The following SPTBN5 variants were observed in gnomAD, a reference collection of about 807,000 sequenced individuals.
SPTBN5 encodes spectrin beta chain, non-erythrocytic 5.
Under a neutral mutation model 477.6 loss-of-function variants are expected in SPTBN5, and 513 were observed. The observed-to-expected ratio is 1.07, with a 90% confidence interval of 1.00 to 1.16. SPTBN5 has a LOEUF of 1.16. Among genes scored for constraint, SPTBN5 ranks in the 50% most tolerant of loss-of-function variants. The pLI is 0.00. For synonymous variants in SPTBN5, 2,169 were observed against 2,011.7 expected, an observed-to-expected ratio of 1.08 and a Z score of -2.09; for missense variants, 5,062 against 4,731.8, an observed-to-expected ratio of 1.07 and a Z score of -2.05.
chr15:41,877,392 C>T, intron 17 of SPTBN5, 36 bp from the exon 18 acceptor site: 3 of 1,588,020 alleles, frequency 1.9e-6, no homozygotes, highest in Non-Finnish European at 2.6e-6. Flanking sequence ...CAAACCCCAG[C>T]AGGCTCCCTC....
intron 44 of SPTBN5, 61 bp from the exon 45 acceptor site, chr15:41,861,984 G>T: frequency 6.4e-7 from 1 of 1,553,798 alleles, no homozygotes; most frequent in Non-Finnish European, 8.6e-7. Flanking sequence ...GCAGGAGAGA[G>T]GTGGGGAAGC....
chr15:41,850,745 A>T, intron 66 of SPTBN5, 109 bp downstream of exon 66: 1 of 917,454 alleles, frequency 1.1e-6, no homozygotes, highest in Non-Finnish European at 1.6e-6. Flanking sequence ...CTTGGAGGTT[A>T]GAGATGCTAA....
intron 66 of SPTBN5, chr15:41,850,222 T>G: frequency 2.1e-6 from 1 of 481,220 alleles, no homozygotes; most frequent in East Asian, 3.7e-5. Flanking sequence ...AATTCTGGAA[T>G]GTCGAACAAC....
chr15:41,853,463 G>A lies in SPTBN5; in HGVS notation c.9981-16C>T, dbSNP rs2065839430. ...TGCCCATGCTCTGTGGGGCAGGGAA[G>A]GGAGCTGTTGTCAGGGCTGGCTGGG... On this transcript the variant is annotated splice_polypyrimidine_tract_variant and intron_variant, in intron 58 of 67. Transcript: ENST00000320955. 1.3e-6 allele frequency: 2 copies of A among 1,556,784 alleles called. No homozygotes were observed. The highest frequency in any genetic ancestry group is 1.7e-6 in the Non-Finnish European group (2 of 1,143,640).
rs1053655455 is a variant in SPTBN5 at position 41,850,474 on chromosome 15, G to A, written c.10921+380C>T. On this transcript the variant is annotated intron_variant, in intron 66 of 67. Transcript: ENST00000320955. ...GGTGGTGACATTCAAAGTTGTCTGAGGACTAGAAGGTTAGAGAAGCACCCA... is the reference window on the plus strand; with the variant it reads ...GGTGGTGACATTCAAAGTTGTCTGAAGACTAGAAGGTTAGAGAAGCACCCA... 1.3e-4 allele frequency: 33 copies of A among 249,552 alleles called. 1 individual carries two copies. The highest frequency in any genetic ancestry group is 6.6e-4 in the African/African-American group (30 of 45,388). 15.5% of individuals were successfully genotyped at this position (249,552 alleles called of 1,614,324 possible). A position where few individuals can be genotyped will look rare whatever the true frequency, so the allele number is the denominator to read the frequency against.
chr15:41,876,182 G>A lies in SPTBN5; in HGVS notation c.4054C>T (p.Leu1352Phe), dbSNP rs2066719823. ...CTCTCAGCTGCTTCGTGCCGCTTGA[G>A]TGTCTGCAGGATGTTTCTGCGCGCT... The part of the protein sequence containing the change: ...SGARRNILQT[L>F]KRHEAAESEL... Residue 1352 changes from leucine (L) to phenylalanine (F), a missense_variant, in exon 21 of 68, where the codon CTC becomes TTC. Physicochemically the swap from Leu to Phe is conservative, Grantham distance 22. Coordinates refer to ENST00000320955, the MANE Select transcript of SPTBN5 (RefSeq NM_016642.4). 6.2e-7 allele frequency: 1 copy of A among 1,606,276 alleles called. No individual in the cohort carries two copies. The highest frequency in any genetic ancestry group is 1.3e-5 in the African/African-American group (1 of 75,056).
At chr15:41,855,450 C>G (rs750757017) in intron 54 of SPTBN5, 22 bp from the exon 55 acceptor site, 2 of 1,596,402 alleles carry the variant, frequency 1.3e-6, no homozygotes, top group South Asian at 1.1e-5. Context: ...GAGCGACAGT[C>G]TGGACTGCAG....
chr15:41,866,523 T>C, intron 36 of SPTBN5, 30 bp from the exon 37 acceptor site: 2 of 1,503,862 alleles, frequency 1.3e-6, no homozygotes, highest in Non-Finnish European at 1.8e-6. Context: ...AATGCTGCAA[T>C]GTTCTGCAGC....
At chr15:41,854,751 C>T (rs375041056) in intron 56 of SPTBN5, 31 bp downstream of exon 56, 4 of 1,473,630 alleles carry the variant, frequency 2.7e-6, no homozygotes, top group Non-Finnish European at 3.6e-6. Flanking sequence ...CTCTGACACC[C>T]CTTAGCTTGG....
At position 41,868,503 on chromosome 15, in the gene SPTBN5, G is replaced by A. The variant is rs549465351; in HGVS notation, c.5952C>T (p.Ala1984=). 2.3e-5 allele frequency: 37 copies of A among 1,611,078 alleles called. No homozygotes were observed. The South Asian group carries it at 3.7e-4, about 16-fold the overall frequency. The change falls in exon 33 of 68, where the codon GCC becomes GCT. Residue 1984 remains alanine, a synonymous_variant. Transcript: ENST00000320955. ...EPSSGPLKLS[A]HQWLRAELEA... is the part of the protein sequence containing the mutation. ...CCAGCTCCGCCCGGAGCCACTGGTG[G>A]GCACTGAGCTTCAGCGGGCCACTGC...
chr15:41,876,189 C>A lies in SPTBN5; in HGVS notation c.4047G>T (p.Leu1349=). The A allele has an allele frequency of 6.2e-7, 1 of 1,606,394 alleles. No homozygotes were observed. The highest frequency in any genetic ancestry group is 8.5e-7 in the Non-Finnish European group (1 of 1,179,672). The change falls in exon 21 of 68, where the codon CTG becomes CTT. Residue 1349 remains leucine (L), a synonymous_variant. Coordinates refer to ENST00000320955, the MANE Select transcript of SPTBN5 (RefSeq NM_016642.4). The stretch of plus-strand genomic sequence containing the variant: ...CTGCTTCGTGCCGCTTGAGTGTCTG[C>A]AGGATGTTTCTGCGCGCTCCGGAGG... ...HEPSGARRNI[L]QTLKRHEAAE... is the part of the protein sequence containing the mutation.
At chr15:41,864,790 G>T (rs558859938) in intron 39 of SPTBN5, among the ~76,000 whole-genome samples, 14 of 152,320 alleles carry the variant, frequency 9.2e-5, no homozygotes, top group African/African-American at 3.4e-4. Flanking sequence ...ACGCAGGGAG[G>T]GGGTCCACCG....
At position 41,880,278 on chromosome 15, in the gene SPTBN5, AGGGCCAT is replaced by A. The variant is rs750904426; in HGVS notation, c.2686_2692del (p.Met896CysfsTer63). 6.2e-7 allele frequency: 1 copy of A among 1,607,294 alleles called. No homozygotes were observed. Among genetic ancestry groups the A allele is most frequent in the Non-Finnish European group, 8.5e-7 (1 of 1,177,526 alleles). Reference sequence around the variant, plus strand: ...CCCACAGGAACTGCAGAAACCGAACAGGGCCATGGCCTCCTCCAACCGGGCCCTGCGG... The same window carrying A: ...CCCACAGGAACTGCAGAAACCGAACAGGCCTCCTCCAACCGGGCCCTGCGG... On this transcript the variant is annotated frameshift_variant, in exon 14 of 68. Coordinates refer to ENST00000320955, the MANE Select transcript of SPTBN5 (RefSeq NM_016642.4). LOFTEE classifies it high-confidence loss of function.
chr15:41,871,365 G>GGGC lies in SPTBN5; in HGVS notation c.5447+7_5447+9dup. On this transcript the variant is annotated intron_variant, in intron 29 of 67. Coordinates refer to ENST00000320955, the MANE Select transcript of SPTBN5 (RefSeq NM_016642.4). Reference sequence around the variant, plus strand: ...AAACCCCATGCTGGCCTGGCCCGTTGGGCACTCACTGCAGATCCTGCTGCC... The same window carrying GGGC: ...AAACCCCATGCTGGCCTGGCCCGTTGGGCGGCACTCACTGCAGATCCTGCTGCC... 1 of 1,414,932 alleles carries GGGC rather than the reference G, an allele frequency of 7.1e-7. No individual in the cohort carries two copies. Among genetic ancestry groups the GGGC allele is most frequent in the Non-Finnish European group, 9.2e-7 (1 of 1,082,058 alleles). 87.6% of individuals were successfully genotyped at this position (1,414,932 alleles called of 1,614,324 possible). A position where few individuals can be genotyped will look rare whatever the true frequency, so the allele number is the denominator to read the frequency against.
intron 4 of SPTBN5, among the ~76,000 whole-genome samples, chr15:41,888,457 C>T (rs2067220350): frequency 6.6e-6 from 1 of 152,172 alleles, no homozygotes; most frequent in Non-Finnish European, 1.5e-5. Flanking sequence ...CTTCATGAAA[C>T]TGGGTCCCGT....
At chr15:41,855,515 C>T (rs549655092) in intron 54 of SPTBN5, 34 bp downstream of exon 54, 65 of 1,602,244 alleles carry the variant, frequency 4.1e-5, no homozygotes, top group East Asian at 4.5e-5. Context: ...GGGCTTCTCT[C>T]TGCTCCTTCG....
rs769680202 is a variant in SPTBN5, at chr15:41,876,847, G to A, written c.3813C>T (p.Gly1271=). The A allele has an allele frequency of 3.8e-5, 61 of 1,610,268 alleles. No individual in the cohort carries two copies. In the South Asian group the frequency reaches 4.6e-4, roughly 12 times the overall value. The change falls in exon 19 of 68, where the codon GGC becomes GGT. Residue 1271 remains glycine (G), a synonymous_variant. Coordinates refer to ENST00000320955, the MANE Select transcript of SPTBN5 (RefSeq NM_016642.4). ...GPRAEALRAH[G]EKLVQSQHPA... is the part of the protein sequence containing the mutation. Reference sequence around the variant, plus strand: ...GGTGCTGGCTCTGAACCAGCTTCTCGCCGTGTGCCCGCAGAGCCTCTGCCC... The same window carrying A: ...GGTGCTGGCTCTGAACCAGCTTCTCACCGTGTGCCCGCAGAGCCTCTGCCC...
chr15:41,859,035 G>A (rs2066013813), intron 47 of SPTBN5, 55 bp from the exon 48 acceptor site: 1 of 1,380,496 alleles, frequency 7.2e-7, no homozygotes, highest in East Asian at 2.5e-5. Context: ...CAGGTGGGGT[G>A]CCCGTCCAGC....
At position 41,874,863 on chromosome 15, in the gene SPTBN5, T is replaced by G; in HGVS notation, c.4481A>C (p.Glu1494Ala). ...GMAASPAILE[E>A]TQKHLRRLEL... ...CCACCTCCGGAGGTGCTTCTGGGTC[T>G]CTTCCAGGATGGCCGGGGAGGCGGC... The change falls in exon 23 of 68, where the codon GAG becomes GCG. Residue 1494 changes from glutamate (E) to alanine (A), a missense_variant. Physicochemically the swap from Glu to Ala is moderately radical, Grantham distance 107. Transcript: ENST00000320955. 1 of 1,607,638 alleles carries G rather than the reference T, an allele frequency of 6.2e-7. No individual in the cohort carries two copies. The highest frequency in any genetic ancestry group is 1.3e-5 in the African/African-American group (1 of 74,948).
Sources: gnomAD v4.1 joint callset for allele counts (sites outside exome capture counted in the v4.1 genomes callset) on GRCh38, gnomAD v4.1.1 for gene constraint, MANE v1.5 for transcripts, NCBI Gene and HGNC (gene_info 2026-07-23, HGNC 2026-07-21) for gene names.